The following CAMK4 variants were observed in gnomAD, a reference collection of about 807,000 sequenced individuals.
The protein encoded by CAMK4 is calcium/calmodulin-dependent protein kinase type IV.
CAMK4 carries 22 observed loss-of-function variants against 44.9 expected under a neutral mutation model. The observed-to-expected ratio is 0.49, with a 90% CI of 0.35 to 0.70. The LOEUF (loss-of-function observed/expected upper bound fraction) is 0.70, where lower values mean the gene tolerates loss of function less well. Among genes scored for constraint, CAMK4 ranks in the 30% least tolerant of loss-of-function variants. CAMK4 has a pLI of 0.01. For synonymous variants in CAMK4, 218 were observed against 215.4 expected, an observed-to-expected ratio of 1.01 and a Z score of -0.11; for missense variants, 498 against 586.8, an observed-to-expected ratio of 0.85 and a Z score of 1.56.
At chr5:111,228,508 G>GA (rs1402895431) in intron 1 of CAMK4, among the ~76,000 whole-genome samples, 2 of 119,674 alleles carry the variant, frequency 1.7e-5, no homozygotes, top group African/African-American at 6.9e-5. Context: ...CCATAGTAAG[G>GA]GGTGTGTGTG....
rs558905879 is a variant in CAMK4, at chr5:111,467,682, A to C, written c.626-5629A>C. On this transcript the variant is annotated intron_variant, in intron 7 of 10. Transcript: ENST00000282356. Reference sequence around the variant, plus strand: ...ACCTTACTCCTGCAAGAATGGCTATAATCAAAAAATCAAAAAATAATACAT... The same window carrying C: ...ACCTTACTCCTGCAAGAATGGCTATCATCAAAAAATCAAAAAATAATACAT... Among the ~76,000 whole-genome samples the C allele has an allele frequency of 2.8e-4, 43 of 152,270 alleles. 1 individual carries two copies. Among genetic ancestry groups the C allele is most frequent in the African/African-American group, 1.0e-3 (42 of 41,548 alleles).
At chr5:111,273,682 T>G (rs1023620783) in intron 1 of CAMK4, among the ~76,000 whole-genome samples, 3 of 38,970 alleles carry the variant, frequency 7.7e-5, no homozygotes, top group African/African-American at 1.9e-4. Context: ...TGCATTTATA[T>G]ATATATATAT....
chr5:111,440,293 A>G (rs1007945483), intron 5 of CAMK4, among the ~76,000 whole-genome samples: 2 of 152,248 alleles, frequency 1.3e-5, no homozygotes, highest in African/African-American at 4.8e-5. Flanking sequence ...GAAGAACTAC[A>G]GAAAATCCCA....
At chr5:111,344,876 T>C (rs1749804575) in intron 2 of CAMK4, among the ~76,000 whole-genome samples, 1 of 151,856 alleles carries the variant, frequency 6.6e-6, no homozygotes, top group African/African-American at 2.4e-5. Flanking sequence ...CCTACTTGGA[T>C]TTTGTGTTCT....
At chr5:111,360,673 G>T (rs1750555557) in intron 2 of CAMK4, among the ~76,000 whole-genome samples, 1 of 152,110 alleles carries the variant, frequency 6.6e-6, no homozygotes, top group Non-Finnish European at 1.5e-5. Context: ...ACATGCTGAT[G>T]AGAGAGTGCT....
Position 111,344,110 on chromosome 5 carries a change from T to G in CAMK4, c.240+8T>G, listed in dbSNP as rs769787234. 2.6e-5 allele frequency: 40 copies of G among 1,532,880 alleles called. 1 individual carries two copies. The Admixed American group carries it at 6.6e-4, about 25-fold the overall frequency. The allele number at this position is 1,532,880 out of a possible 1,614,324, so 95.0% of individuals were successfully genotyped here. A position where few individuals can be genotyped will look rare whatever the true frequency, so the allele number is the denominator to read the frequency against. ...AAAGTGTTAAAGAAAACAGTAAGTT[T>G]ATTTCTTATATAATGGCATCTCTAA... On this transcript the variant is annotated splice_region_variant and intron_variant, in intron 2 of 10. Coordinates refer to ENST00000282356, the MANE Select transcript of CAMK4 (RefSeq NM_001744.6).
chr5:111,264,314 G>T (rs192250018), intron 1 of CAMK4, among the ~76,000 whole-genome samples: 1 of 152,170 alleles, frequency 6.6e-6, no homozygotes, highest in Admixed American at 6.5e-5. Context: ...CGCTCCAGGG[G>T]TTTGGTGTGC....
At chr5:111,365,865 G>A (rs151154917) in intron 2 of CAMK4, among the ~76,000 whole-genome samples, 202 of 152,186 alleles carry the variant, frequency 1.3e-3, no homozygotes, top group African/African-American at 4.3e-3. Context: ...GGAAAACCTC[G>A]ATATTTGTAT....
chr5:111,414,956 T>G (rs1413413417), intron 5 of CAMK4, among the ~76,000 whole-genome samples: 1 of 152,198 alleles, frequency 6.6e-6, no homozygotes, highest in East Asian at 1.9e-4. Flanking sequence ...CAGCAAGGGT[T>G]TTGTTTTGGG....
intron 2 of CAMK4, among the ~76,000 whole-genome samples, chr5:111,352,853 C>T (rs1191776245): frequency 6.6e-6 from 1 of 152,014 alleles, no homozygotes; most frequent in Non-Finnish European, 1.5e-5. Flanking sequence ...ATCAAATTTC[C>T]AATACATGAA....
intron 7 of CAMK4, among the ~76,000 whole-genome samples, chr5:111,456,642 G>A (rs1434704863): frequency 6.8e-6 from 1 of 146,248 alleles, no homozygotes; most frequent in African/African-American, 2.5e-5. Context: ...TGAGAATGGA[G>A]AGTGGTTTTA....
chr5:111,272,131 G>T (rs1351342400), intron 1 of CAMK4, among the ~76,000 whole-genome samples: 4 of 151,844 alleles, frequency 2.6e-5, no homozygotes, highest in African/African-American at 9.7e-5. Flanking sequence ...GTGTGTGTGT[G>T]TGTGGTTATT....
chr5:111,326,921 T>A (rs1343199124), intron 1 of CAMK4, among the ~76,000 whole-genome samples: 1 of 151,978 alleles, frequency 6.6e-6, no homozygotes, highest in East Asian at 1.9e-4. Flanking sequence ...ACTAATCGAA[T>A]TCTCTGCACA....
intron 4 of CAMK4, among the ~76,000 whole-genome samples, chr5:111,378,349 CA>C (rs1383427001): frequency 5.3e-5 from 8 of 152,084 alleles, no homozygotes; most frequent in African/African-American, 1.9e-4. Flanking sequence ...TTTTAAATAG[CA>C]GCTCAAATGG....
chr5:111,261,318 T>A (rs958213527), intron 1 of CAMK4, among the ~76,000 whole-genome samples: 1 of 152,222 alleles, frequency 6.6e-6, no homozygotes, highest in African/African-American at 2.4e-5. Context: ...TAGCACAATG[T>A]CTGGTGCATA....
chr5:111,268,999 T>G (rs994442236), intron 1 of CAMK4, among the ~76,000 whole-genome samples: 12 of 152,138 alleles, frequency 7.9e-5, no homozygotes, highest in African/African-American at 2.9e-4. Flanking sequence ...CAGGGAAGAC[T>G]TTTTGGTGAT....
chr5:111,391,176 A>C (rs1032380407), intron 4 of CAMK4, among the ~76,000 whole-genome samples: 4 of 152,180 alleles, frequency 2.6e-5, no homozygotes, highest in Non-Finnish European at 1.5e-5. Context: ...TGCTAGGAAG[A>C]GAATCCAAAT....
intron 1 of CAMK4, among the ~76,000 whole-genome samples, chr5:111,329,309 A>T (rs923769615): frequency 1.1e-4 from 16 of 151,902 alleles, no homozygotes; most frequent in African/African-American, 3.9e-4. Flanking sequence ...TCCCTTTAAA[A>T]ATGGGCACAA....
chr5:111,251,579 C>T (rs1223268354), intron 1 of CAMK4, among the ~76,000 whole-genome samples: 1 of 152,164 alleles, frequency 6.6e-6, no homozygotes, highest in African/African-American at 2.4e-5. Context: ...AGTTCTTTCT[C>T]AAATAAAAAA....
Sources: gnomAD v4.1 joint callset for allele counts (sites outside exome capture counted in the v4.1 genomes callset) on GRCh38, gnomAD v4.1.1 for gene constraint, MANE v1.5 for transcripts, NCBI Gene and HGNC (gene_info 2026-07-23, HGNC 2026-07-21) for gene names.